Variants in UBR3 observed in about 807,000 individuals in gnomAD.
UBR3 encodes the protein ubiquitin protein ligase E3 component n-recognin 3.
Under a neutral mutation model 243.2 loss-of-function variants are expected in UBR3, and 85 were observed. That is an observed-to-expected ratio of 0.35 (90% CI 0.29 to 0.42). UBR3 has a LOEUF of 0.42. Among genes scored for constraint, UBR3 ranks in the 10% least tolerant of loss-of-function variants. UBR3 has a pLI of 1.00. For missense variants in UBR3, 1,686 were observed against 2,300.8 expected, an observed-to-expected ratio of 0.73 and a Z score of 5.47; for synonymous variants, 748 against 799.8, an observed-to-expected ratio of 0.94 and a Z score of 1.09.
intron 38 of UBR3, 22 bp downstream of exon 38, chr2:170,080,706 C>T (rs1435149161): frequency 1.2e-6 from 2 of 1,601,552 alleles, no homozygotes; most frequent in Admixed American, 1.7e-5. Flanking sequence ...ATGGATATAT[C>T]CAGGTGTTTT....
intron 24 of UBR3, among the ~76,000 whole-genome samples, chr2:169,970,153 G>A (rs936723455): frequency 1.3e-5 from 2 of 150,162 alleles, no homozygotes; most frequent in Non-Finnish European, 3.0e-5. Context: ...CCATTTTTTG[G>A]TGATGACTTC....
In UBR3 at chr2:169,950,036, A is replaced by G. The variant is rs369111475; in HGVS notation, c.3516A>G (p.Ala1172=). ...PPVPPKKVTA[A]EKKTLDKEER... ...TACCACCTAAAAAAGTCACTGCAGCAGAGAAGAAAACATTGGACAAAGAAG... is the reference window on the plus strand; with the variant it reads ...TACCACCTAAAAAAGTCACTGCAGCGGAGAAGAAAACATTGGACAAAGAAG... The change falls in exon 23 of 39, where the codon GCA becomes GCG. Residue 1172 remains alanine, a synonymous_variant. Coordinates refer to ENST00000272793, the MANE Select transcript of UBR3 (RefSeq NM_172070.4). The G allele has an allele frequency of 6.3e-7, 1 of 1,574,868 alleles. No homozygotes were observed.
chr2:169,995,915 G>C (rs2089460625), intron 26 of UBR3, among the ~76,000 whole-genome samples: 1 of 151,930 alleles, frequency 6.6e-6, no homozygotes, highest in African/African-American at 2.4e-5. Flanking sequence ...TTCTCCTGTT[G>C]TAGTTTTTTA....
At position 169,926,975 on chromosome 2, in the gene UBR3, A is replaced by C; in HGVS notation, c.2338+4A>C. The C allele has an allele frequency of 6.5e-7, 1 of 1,550,020 alleles. No homozygotes were observed. The highest frequency in any genetic ancestry group is 8.7e-7 in the Non-Finnish European group (1 of 1,146,136). On this transcript the variant is annotated splice_donor_region_variant and intron_variant, in intron 16 of 38. Transcript: ENST00000272793. Reference sequence around the variant, plus strand: ...TTGAGTCTTCGTTTACATTTAGGTAAAACTCACTGATACTAATACTTATGC... The same window carrying C: ...TTGAGTCTTCGTTTACATTTAGGTACAACTCACTGATACTAATACTTATGC...
Position 169,925,637 on chromosome 2 carries a change from C to T in UBR3, c.2041C>T (p.His681Tyr), listed in dbSNP as rs868655842. 1 of 1,548,542 alleles carries T rather than the reference C, an allele frequency of 6.5e-7. No individual in the cohort carries two copies. Among genetic ancestry groups the T allele is most frequent in the Admixed American group, 2.0e-5 (1 of 50,486 alleles). ...TTATTAGGCAAGTCTTGCAGAAATC[C>T]ACAGCAATATGTGGGTAAGAAATGG... ...LQIQASLAEI[H>Y]SNMWVRNGLQ... Residue 681 changes from histidine to tyrosine, a missense_variant, in exon 14 of 39, where the codon CAC becomes TAC. Coordinates refer to ENST00000272793, the MANE Select transcript of UBR3 (RefSeq NM_172070.4).
At chr2:170,079,225 T>G (rs1173814616) in intron 36 of UBR3, among the ~76,000 whole-genome samples, 1 of 152,162 alleles carries the variant, frequency 6.6e-6, no homozygotes, top group Non-Finnish European at 1.5e-5. Flanking sequence ...AATTTGACAA[T>G]TTTTTTATTC....
chr2:169,865,421 C>A (rs912650653), intron 1 of UBR3, among the ~76,000 whole-genome samples: 3 of 152,136 alleles, frequency 2.0e-5, no homozygotes, highest in African/African-American at 7.2e-5. Context: ...ACACTAGTTC[C>A]CAGAGTTTGA....
At chr2:169,967,722 T>C (rs1448119452) in intron 24 of UBR3, among the ~76,000 whole-genome samples, 1 of 152,176 alleles carries the variant, frequency 6.6e-6, no homozygotes, top group Non-Finnish European at 1.5e-5. Context: ...ATTGTTGTTA[T>C]AGATGGAAGG....
intron 35 of UBR3, among the ~76,000 whole-genome samples, chr2:170,062,013 T>C (rs1421795588): frequency 1.3e-5 from 2 of 152,228 alleles, no homozygotes; most frequent in East Asian, 1.9e-4. Context: ...AATAGGACCA[T>C]AGGATTCAGT....
chr2:170,002,057 A>G (rs754207676), intron 27 of UBR3, among the ~76,000 whole-genome samples: 2 of 151,854 alleles, frequency 1.3e-5, no homozygotes, highest in Non-Finnish European at 2.9e-5. Context: ...TATGATTCTC[A>G]CATAAGTTCT....
At chr2:170,040,401 C>T (rs182026211) in intron 31 of UBR3, among the ~76,000 whole-genome samples, 23 of 152,226 alleles carry the variant, frequency 1.5e-4, no homozygotes, top group Non-Finnish European at 2.6e-4. Context: ...CCACTGTGCT[C>T]GGCTGAAACA....
intron 1 of UBR3, among the ~76,000 whole-genome samples, chr2:169,852,850 C>CAAAAAAAAAA (rs869283640): frequency 1.2e-3 from 59 of 48,296 alleles, no homozygotes; most frequent in African/African-American, 1.5e-3. Context: ...GACTTCATCT[C>CAAAAAAAAAA]AAAAAAAAAA....
chr2:170,065,118 C>G (rs1301008557), intron 35 of UBR3, among the ~76,000 whole-genome samples: 1 of 152,166 alleles, frequency 6.6e-6, no homozygotes, highest in African/African-American at 2.4e-5. Context: ...GCTGGGATTA[C>G]AGGCGTGAGC....
At chr2:170,070,414 G>A (rs1273420076) in intron 35 of UBR3, among the ~76,000 whole-genome samples, 1 of 152,070 alleles carries the variant, frequency 6.6e-6, no homozygotes, top group Non-Finnish European at 1.5e-5. Context: ...TGAAAGACAG[G>A]AACAAGATTG....
intron 31 of UBR3, among the ~76,000 whole-genome samples, chr2:170,036,590 C>T (rs1188058975): frequency 6.6e-6 from 1 of 151,988 alleles, no homozygotes; most frequent in African/African-American, 2.4e-5. Flanking sequence ...TAATGGAAAT[C>T]TATTTGATTT....
chr2:170,051,600 C>G (rs1188710969), intron 32 of UBR3, among the ~76,000 whole-genome samples: 1 of 152,194 alleles, frequency 6.6e-6, no homozygotes, highest in Non-Finnish European at 1.5e-5. Flanking sequence ...CACACCTTGG[C>G]CCCCAAAGTG....
intron 5 of UBR3, among the ~76,000 whole-genome samples, chr2:169,882,079 A>T (rs557767006): frequency 7.6e-4 from 96 of 126,702 alleles, no homozygotes; most frequent in Non-Finnish European, 1.3e-3. Flanking sequence ...ATAATTATAT[A>T]TGTATGTATA....
At chr2:169,844,788 G>A (rs945674264) in intron 1 of UBR3, among the ~76,000 whole-genome samples, 2 of 152,206 alleles carry the variant, frequency 1.3e-5, no homozygotes, top group African/African-American at 4.8e-5. Flanking sequence ...GAGCCATCGC[G>A]CCTGGCTGGC....
chr2:169,963,848 T>G (rs1001106424), intron 24 of UBR3, among the ~76,000 whole-genome samples: 5 of 152,162 alleles, frequency 3.3e-5, no homozygotes, highest in African/African-American at 1.2e-4. Context: ...AGAATAGTGT[T>G]GTGAACACCC....
Sources: gnomAD v4.1 joint callset for allele counts (sites outside exome capture counted in the v4.1 genomes callset) on GRCh38, gnomAD v4.1.1 for gene constraint, MANE v1.5 for transcripts, NCBI Gene and HGNC (gene_info 2026-07-23, HGNC 2026-07-21) for gene names.